Variants in UGDH observed in about 807,000 individuals in gnomAD.
UGDH encodes the protein UDP-Glc dehydrogenase.
Under a neutral mutation model 50.6 loss-of-function variants are expected in UGDH, and 38 were observed. That is an observed-to-expected ratio of 0.75 (90% CI 0.58 to 0.98). The LOEUF is 0.98. Among genes scored for constraint, UGDH ranks in the 50% least tolerant of loss-of-function variants. The pLI is 0.00. For missense variants in UGDH, 465 were observed against 606.2 expected (o/e 0.77, Z 2.45); for synonymous variants, 168 against 199.9 (o/e 0.84, Z 1.35).
chr4:39,513,805 G>T (rs1426508271), intron 3 of UGDH, among the ~76,000 whole-genome samples: 2 of 152,138 alleles, frequency 1.3e-5, no homozygotes, highest in Non-Finnish European at 2.9e-5. Context: ...ACAATGCTGG[G>T]ATTACAGGCG....
In UGDH at chr4:39,510,759, A is replaced by T; in HGVS notation, c.367T>A (p.Tyr123Asn). 6.2e-7 allele frequency: 1 copy of T among 1,614,216 alleles called. No individual in the cohort carries two copies. Among genetic ancestry groups the T allele is most frequent in the Non-Finnish European group, 8.5e-7 (1 of 1,180,024 alleles). The change falls in exon 4 of 12, where the codon TAC becomes AAC. Residue 123 changes from tyrosine (Y) to asparagine (N), a missense_variant. Physicochemically the swap from Tyr to Asn is moderately radical, Grantham distance 143. Transcript: ENST00000316423. ...ARRIVQNSNG[Y>N]KIVTEKSTVP... Reference sequence around the variant, plus strand: ...GTGCTTTTCTCAGTCACAATTTTGTACCCATTTGAGTTTTGCACAATGCGT... The same window carrying T: ...GTGCTTTTCTCAGTCACAATTTTGTTCCCATTTGAGTTTTGCACAATGCGT...
chr4:39,518,414 A>C (rs1746516472), intron 2 of UGDH, among the ~76,000 whole-genome samples: 1 of 151,638 alleles, frequency 6.6e-6, no homozygotes, highest in Admixed American at 6.6e-5. Context: ...AGTGGCGCCA[A>C]CAGGGCTCAC....
In UGDH at chr4:39,521,361, G is replaced by A. The variant is rs1746653197; in HGVS notation, c.152C>T (p.Pro51Leu). The A allele has an allele frequency of 6.2e-7, 1 of 1,603,002 alleles. No homozygotes were observed. The highest frequency in any genetic ancestry group is 8.5e-7 in the Non-Finnish European group (1 of 1,175,652). The change falls in exon 2 of 12, where the codon CCT becomes CTT. Residue 51 changes from proline (P) to leucine (L), a missense_variant. By Grantham distance (98) the Pro-to-Leu change is moderately conservative. Coordinates refer to ENST00000316423, the MANE Select transcript of UGDH (RefSeq NM_003359.4). ...RINAWNSPTL[P>L]IYEPGLKEVV... The stretch of plus-strand genomic sequence containing the variant: ...GTTTAATATGTTTACCTCATAAATA[G>A]GAAGTGTAGGAGAATTCCACGCATT...
At chr4:39,500,646 T>A (rs1578259425) in intron 11 of UGDH, among the ~76,000 whole-genome samples, 2 of 136,428 alleles carry the variant, frequency 1.5e-5, no homozygotes, top group Middle Eastern at 7.4e-3. Context: ...GCTAACAGCA[T>A]AATTCTCTTT....
intron 2 of UGDH, 130 bp from the exon 3 acceptor site, chr4:39,514,314 T>C (rs750349217): frequency 1.8e-4 from 136 of 750,218 alleles, no homozygotes; most frequent in Non-Finnish European, 2.8e-4. Flanking sequence ...TGTGCTCAAA[T>C]TACCTTTGTA....
At chr4:39,512,101 G>GCTGCCT (rs1362381369) in intron 3 of UGDH, among the ~76,000 whole-genome samples, 2 of 151,978 alleles carry the variant, frequency 1.3e-5, no homozygotes, top group Non-Finnish European at 2.9e-5. Flanking sequence ...GAGAAGTGTG[G>GCTGCCT]CTGCCTCTGC....
intron 11 of UGDH, among the ~76,000 whole-genome samples, chr4:39,503,318 G>A (rs1038709452): frequency 1.3e-5 from 2 of 152,154 alleles, no homozygotes; most frequent in Non-Finnish European, 2.9e-5. Context: ...CAAAGTGCTG[G>A]GATTACAGGT....
At chr4:39,514,752 G>A (rs13146459) in intron 2 of UGDH, among the ~76,000 whole-genome samples, 16,563 of 146,958 alleles carry the variant, frequency 0.11, 1,270 homozygotes, top group East Asian at 0.27. Context: ...GTATGATCTC[G>A]GCTCACTGCG....
rs114031524 is a variant in UGDH, at chr4:39,514,270, G to A, written c.163-86C>T. 960 of 1,066,972 alleles carry A rather than the reference G, an allele frequency of 9.0e-4. 4 individuals are homozygous for A. The highest frequency in any genetic ancestry group is 1.5e-3 in the South Asian group (106 of 71,958). The allele number at this position is 1,066,972 out of a possible 1,614,324, so 66.1% of individuals were successfully genotyped here. ...ATAGTATAGAATTACATTTGTTAAAGGGCATGGTAATATTGTAATTTAAAG... is the reference window on the plus strand; with the variant it reads ...ATAGTATAGAATTACATTTGTTAAAAGGCATGGTAATATTGTAATTTAAAG... On this transcript the variant is annotated intron_variant, in intron 2 of 11. Coordinates refer to ENST00000316423, the MANE Select transcript of UGDH (RefSeq NM_003359.4).
At chr4:39,514,047 T>C in intron 3 of UGDH, 36 bp downstream of exon 3, 1 of 1,483,504 alleles carries the variant, frequency 6.7e-7, no homozygotes, top group South Asian at 1.2e-5. Flanking sequence ...TAGACAAGAA[T>C]ACATTAAAAT....
intron 10 of UGDH, among the ~76,000 whole-genome samples, 161 bp downstream of exon 10, chr4:39,504,256 C>T (rs1052181114): frequency 1.3e-5 from 2 of 151,254 alleles, no homozygotes; most frequent in Admixed American, 1.3e-4. Context: ...TGCAGTGAGC[C>T]GAGATTGCGC....
At chr4:39,502,853 C>T (rs1745875429) in intron 11 of UGDH, among the ~76,000 whole-genome samples, 1 of 151,316 alleles carries the variant, frequency 6.6e-6, no homozygotes, top group African/African-American at 2.5e-5. Flanking sequence ...CTCAAGCAAT[C>T]CTCCCACGTC....
In UGDH at chr4:39,521,901, G is replaced by A. The variant is rs181435406; in HGVS notation, c.-7-382C>T. Among the ~76,000 whole-genome samples, 76 of 152,274 alleles carry A rather than the reference G, an allele frequency of 5.0e-4. 2 individuals carry two copies. Among genetic ancestry groups the A allele is most frequent in the African/African-American group, 1.8e-3 (74 of 41,560 alleles). The stretch of plus-strand genomic sequence containing the variant: ...AGCTCCAGGATGAACATACTTGTAC[G>A]ATTCTTGCTTAAATAAATGCTAGTG... On this transcript the variant is annotated intron_variant, in intron 1 of 11. Transcript: ENST00000316423.
At position 39,521,341 on chromosome 4, in the gene UGDH, A is replaced by T. The variant is rs201300723; in HGVS notation, c.162+10T>A. 4.6e-5 allele frequency: 73 copies of T among 1,593,610 alleles called. No homozygotes were observed. In the African/African-American group the frequency reaches 9.2e-4, roughly 20 times the overall value. ...AAGCATAAAAACAAAGAGATGTTTA[A>T]TATGTTTACCTCATAAATAGGAAGT... On this transcript the variant is annotated intron_variant, in intron 2 of 11. Transcript: ENST00000316423.
chr4:39,505,236 C>T lies in UGDH; in HGVS notation c.1171+1G>A. On this transcript the variant is annotated splice_donor_variant, in intron 9 of 11. Coordinates refer to ENST00000316423, the MANE Select transcript of UGDH (RefSeq NM_003359.4). LOFTEE classifies it high-confidence loss of function. ...ATGATTCATGAGACTCAAAGCCTTA[C>T]CTTGGTCATCCTCTGAAACACCTGG... 6.3e-7 allele frequency: 1 copy of T among 1,587,934 alleles called. No individual in the cohort carries two copies. The highest frequency in any genetic ancestry group is 8.5e-7 in the Non-Finnish European group (1 of 1,172,150).
At position 39,527,268 on chromosome 4, in the gene UGDH, G is replaced by A. The variant is rs985759424; in HGVS notation, c.-8+15C>T. 2.1e-6 allele frequency: 1 copy of A among 479,632 alleles called. No individual in the cohort carries two copies. Among genetic ancestry groups the A allele is most frequent in the Non-Finnish European group, 3.4e-6 (1 of 291,610 alleles). 29.7% of individuals were successfully genotyped at this position (479,632 alleles called of 1,614,324 possible). A position where few individuals can be genotyped will look rare whatever the true frequency, so the allele number is the denominator to read the frequency against. On this transcript the variant is annotated intron_variant, in intron 1 of 11. Transcript: ENST00000316423. ...CCCGCCCGGGCGGCGGGGCCAGCCT[G>A]GGAGCGGCGCTTACCCACTTCCCAG...
chr4:39,512,768 G>A (rs898984693), intron 3 of UGDH, among the ~76,000 whole-genome samples: 1 of 151,396 alleles, frequency 6.6e-6, no homozygotes, highest in Non-Finnish European at 1.5e-5. Context: ...AGTCATAAAA[G>A]CTGCATCAAT....
At chr4:39,501,569 G>A (rs897305906) in intron 11 of UGDH, among the ~76,000 whole-genome samples, 6 of 152,066 alleles carry the variant, frequency 3.9e-5, no homozygotes, top group East Asian at 3.9e-4. Flanking sequence ...CACCGCACCC[G>A]GCCAGCATAA....
intron 1 of UGDH, among the ~76,000 whole-genome samples, chr4:39,522,890 G>T (rs1044144471): frequency 4.0e-5 from 6 of 151,540 alleles, no homozygotes; most frequent in African/African-American, 1.5e-4. Context: ...AGCCTAACGA[G>T]TAGCTGGGAC....
Sources: allele counts gnomAD v4.1 joint callset (sites outside exome capture counted in the v4.1 genomes callset), GRCh38; gene constraint gnomAD v4.1.1; transcripts MANE v1.5; gene names NCBI Gene and HGNC (gene_info 2026-07-23, HGNC 2026-07-21).